ELOVL5: variants seen among roughly 807,000 people sequenced by gnomAD.
ELOVL5 encodes the protein very long chain fatty acid elongase 5.
A neutral mutation model predicts 38.6 loss-of-function variants in ELOVL5; 8 were observed. That is an observed-to-expected ratio of 0.21 (90% CI 0.12 to 0.37). The LOEUF is 0.37. Ranked by LOEUF, ELOVL5 falls within the 10% of genes least tolerant of loss-of-function variation. ELOVL5 has a pLI of 1.00. For missense variants in ELOVL5, 280 were observed against 367.8 expected, an observed-to-expected ratio of 0.76 and a Z score of 1.95; for synonymous variants, 127 against 133.7, an observed-to-expected ratio of 0.95 and a Z score of 0.34.
chr6:53,319,879 A>G (rs1040405122), intron 1 of ELOVL5, among the ~76,000 whole-genome samples: 2 of 152,094 alleles, frequency 1.3e-5, no homozygotes, highest in African/African-American at 4.8e-5. Context: ...TAAACACTTT[A>G]TATTTTCAGA....
At chr6:53,330,516 A>ATTTTT in intron 1 of ELOVL5, among the ~76,000 whole-genome samples, 1 of 84,834 alleles carries the variant, frequency 1.2e-5, no homozygotes, top group African/African-American at 3.6e-5. Context: ...TTCTTTATAA[A>ATTTTT]CTTTTTTTTT....
At chr6:53,308,684 C>A (rs2115564) in intron 1 of ELOVL5, among the ~76,000 whole-genome samples, 86,279 of 151,778 alleles carry the variant, frequency 0.57, 27,218 homozygotes, top group African/African-American at 0.87. Context: ...CTATATATAT[C>A]AATTAAGTTT....
intron 3 of ELOVL5, among the ~76,000 whole-genome samples, chr6:53,278,391 A>G (rs182463039): frequency 5.2e-4 from 79 of 152,274 alleles, no homozygotes; most frequent in Middle Eastern, 3.4e-3. Flanking sequence ...CCTCAATCCC[A>G]AAGATGAGAA....
At chr6:53,293,611 C>A (rs1232067115) in intron 2 of ELOVL5, among the ~76,000 whole-genome samples, 2 of 152,222 alleles carry the variant, frequency 1.3e-5, no homozygotes, top group Admixed American at 6.5e-5. Context: ...AACCACCACA[C>A]CCGGCTCTGC....
intron 1 of ELOVL5, among the ~76,000 whole-genome samples, chr6:53,295,932 G>A (rs1766979146): frequency 6.6e-6 from 1 of 152,178 alleles, no homozygotes; most frequent in Admixed American, 6.5e-5. Context: ...TATAAATGAA[G>A]TGCCAGTTTT....
chr6:53,348,896 C>CA lies in ELOVL5; in HGVS notation c.-89dup, dbSNP rs781647809. On this transcript the variant is annotated 5_prime_UTR_variant, in exon 1 of 8. Transcript: ENST00000304434. ...GAGGGAGCGCGGGTGGCAGCCGGCG[C>CA]AGAGGCGGATGTAGAAGGAGACACC... is the stretch of plus-strand genomic sequence containing the variant. The CA allele has an allele frequency of 1.3e-5, 6 of 453,324 alleles. No individual in the cohort carries two copies. The highest frequency in any genetic ancestry group is 9.3e-5 in the South Asian group (6 of 64,734). 28.1% of individuals were successfully genotyped at this position (453,324 alleles called of 1,614,324 possible). A position where few individuals can be genotyped will look rare whatever the true frequency, so the allele number is the denominator to read the frequency against.
intron 1 of ELOVL5, among the ~76,000 whole-genome samples, chr6:53,307,257 G>A (rs1390526987): frequency 6.6e-6 from 1 of 152,330 alleles, no homozygotes; most frequent in Non-Finnish European, 1.5e-5. Context: ...CTTTTGGGTG[G>A]TAGTGGTTAG....
chr6:53,293,957 C>G, intron 2 of ELOVL5: 1 of 423,582 alleles, frequency 2.4e-6, no homozygotes, highest in Non-Finnish European at 3.5e-6. Flanking sequence ...ATGCTTAACA[C>G]CTTTTGTTCT....
intron 1 of ELOVL5, among the ~76,000 whole-genome samples, chr6:53,344,709 C>A (rs536501744): frequency 4.3e-4 from 66 of 152,290 alleles, no homozygotes; most frequent in African/African-American, 1.1e-3. Context: ...TAAGAGTTAG[C>A]CATTATTATT....
intron 1 of ELOVL5, among the ~76,000 whole-genome samples, chr6:53,306,237 AGGG>A (rs1767545890): frequency 1.3e-4 from 1 of 7,472 alleles, no homozygotes; most frequent in Non-Finnish European, 2.1e-4. Context: ...GAGAGGGGAG[AGGG>A]AGAGGGGAGA....
chr6:53,305,489 C>T (rs1244303035), intron 1 of ELOVL5, among the ~76,000 whole-genome samples: 3 of 141,206 alleles, frequency 2.1e-5, no homozygotes, highest in Non-Finnish European at 4.6e-5. Context: ...TCAGACGGGG[C>T]AGTTGCCAGG....
rs896630790 is a variant in ELOVL5 at position 53,320,544 on chromosome 6, C to T, written c.-8-24837G>A. Among the ~76,000 whole-genome samples the T allele has an allele frequency of 3.9e-5, 6 of 152,018 alleles. No individual in the cohort carries two copies. In the South Asian group the frequency reaches 6.2e-4, roughly 16 times the overall value. On this transcript the variant is annotated intron_variant, in intron 1 of 7. Transcript: ENST00000304434. ...TAGAAATGGGGTTTCACCATGGTCT[C>T]GATCTCCTGACCTCGTGATCCACCC...
chr6:53,309,248 C>G (rs1292456477), intron 1 of ELOVL5, among the ~76,000 whole-genome samples: 1 of 152,172 alleles, frequency 6.6e-6, no homozygotes, highest in Non-Finnish European at 1.5e-5. Context: ...AATTTAGTAA[C>G]TCCCTGTTTC....
At chr6:53,326,262 T>A (rs1367686068) in intron 1 of ELOVL5, among the ~76,000 whole-genome samples, 2 of 152,192 alleles carry the variant, frequency 1.3e-5, no homozygotes, top group Non-Finnish European at 2.9e-5. Flanking sequence ...CAGGCACTCA[T>A]TCTTGCCTCC....
intron 1 of ELOVL5, among the ~76,000 whole-genome samples, chr6:53,302,965 A>G (rs3846910): frequency 0.36 from 55,237 of 152,012 alleles, 11,157 homozygotes; most frequent in African/African-American, 0.55. Context: ...TGCTGCAAGG[A>G]ATCAGACTGA....
At chr6:53,314,954 T>C (rs1448741021) in intron 1 of ELOVL5, among the ~76,000 whole-genome samples, 1 of 152,266 alleles carries the variant, frequency 6.6e-6, no homozygotes, top group Non-Finnish European at 1.5e-5. Flanking sequence ...AAATGTATTA[T>C]GTTTTTCTCC....
chr6:53,286,185 T>C (rs1021273298), intron 3 of ELOVL5, among the ~76,000 whole-genome samples: 1 of 152,206 alleles, frequency 6.6e-6, no homozygotes, highest in African/African-American at 2.4e-5. Flanking sequence ...CCTATGCATT[T>C]ATCTGGTCAA....
intron 3 of ELOVL5, among the ~76,000 whole-genome samples, chr6:53,286,424 A>G (rs1334754587): frequency 6.6e-6 from 1 of 152,110 alleles, no homozygotes; most frequent in Non-Finnish European, 1.5e-5. Flanking sequence ...TTAGCCAGGC[A>G]TGGTGGCACA....
intron 1 of ELOVL5, among the ~76,000 whole-genome samples, chr6:53,314,096 A>G (rs1199371108): frequency 1.3e-5 from 2 of 152,256 alleles, no homozygotes; most frequent in African/African-American, 2.4e-5. Flanking sequence ...CTGTGTTTAA[A>G]ACCTCCTTGA....
Sources: allele counts gnomAD v4.1 joint callset (sites outside exome capture counted in the v4.1 genomes callset), GRCh38; gene constraint gnomAD v4.1.1; transcripts MANE v1.5; gene names NCBI Gene and HGNC (gene_info 2026-07-23, HGNC 2026-07-21).